PAPPA2: variants seen among roughly 807,000 people sequenced by gnomAD.
The protein encoded by PAPPA2 is pappalysin 2, also known as pappalysin-2.
Under a neutral mutation model 176.4 loss-of-function variants are expected in PAPPA2, and 86 were observed. That is an observed-to-expected ratio of 0.49 (90% CI 0.41 to 0.58). The LOEUF (loss-of-function observed/expected upper bound fraction) is 0.58, where lower values mean the gene tolerates loss of function less well. Ranked by LOEUF, PAPPA2 falls within the 20% of genes least tolerant of loss-of-function variation. The pLI is 0.00. For synonymous variants in PAPPA2, 809 were observed against 852.2 expected (o/e 0.95, Z 0.88); for missense variants, 2,073 against 2,256.9 (o/e 0.92, Z 1.65).
intron 4 of PAPPA2, among the ~76,000 whole-genome samples, chr1:176,685,814 T>G (rs1352024925): frequency 6.6e-6 from 1 of 152,252 alleles, no homozygotes; most frequent in Non-Finnish European, 1.5e-5. Flanking sequence ...TTCCTCTTAT[T>G]AAATTTTGGG....
intron 3 of PAPPA2, among the ~76,000 whole-genome samples, chr1:176,638,099 C>T (rs1290715356): frequency 2.0e-5 from 3 of 152,088 alleles, no homozygotes; most frequent in Non-Finnish European, 4.4e-5. Flanking sequence ...AAGTACAACA[C>T]ACAACATCAG....
chr1:176,471,841 G>T (rs753650154), intron 1 of PAPPA2, among the ~76,000 whole-genome samples: 2 of 152,138 alleles, frequency 1.3e-5, no homozygotes, highest in Non-Finnish European at 2.9e-5. Flanking sequence ...CTTGTAGGCC[G>T]GATGTTGCTG....
chr1:176,609,775 A>G (rs966303670), intron 3 of PAPPA2, among the ~76,000 whole-genome samples: 16 of 152,188 alleles, frequency 1.1e-4, no homozygotes, highest in East Asian at 1.9e-4. Flanking sequence ...AGAAGTGGCT[A>G]ACTGCCCTGA....
At chr1:176,759,709 A>G (rs1663602680) in intron 14 of PAPPA2, among the ~76,000 whole-genome samples, 1 of 152,152 alleles carries the variant, frequency 6.6e-6, no homozygotes, top group Non-Finnish European at 1.5e-5. Context: ...ATAGCCTCAA[A>G]AAGTGGACAA....
intron 1 of PAPPA2, among the ~76,000 whole-genome samples, chr1:176,492,730 A>C (rs978630700): frequency 3.3e-5 from 5 of 152,148 alleles, no homozygotes; most frequent in Admixed American, 2.0e-4. Context: ...TCATAAAGTA[A>C]TCATAAAGTA....
chr1:176,480,284 G>T (rs993581506), intron 1 of PAPPA2, among the ~76,000 whole-genome samples: 1 of 152,208 alleles, frequency 6.6e-6, no homozygotes, highest in African/African-American at 2.4e-5. Flanking sequence ...GCACCCGAAA[G>T]GGCAGCGCTG....
At chr1:176,683,256 T>C (rs1026788472) in intron 4 of PAPPA2, among the ~76,000 whole-genome samples, 3 of 152,004 alleles carry the variant, frequency 2.0e-5, no homozygotes, top group Admixed American at 6.6e-5. Context: ...CACACAACAA[T>C]TCTCTTATTG....
chr1:176,497,171 C>T (rs1647678119), intron 1 of PAPPA2, among the ~76,000 whole-genome samples: 3 of 152,182 alleles, frequency 2.0e-5, no homozygotes, highest in Admixed American at 1.3e-4. Flanking sequence ...ATAAAGTCTT[C>T]ACGTGTTATC....
chr1:176,610,344 TGGGGG>T (rs35317617), intron 3 of PAPPA2, among the ~76,000 whole-genome samples: 1 of 140,480 alleles, frequency 7.1e-6, no homozygotes, highest in Admixed American at 7.4e-5. Flanking sequence ...AAGTTGTGTG[TGGGGG>T]GGGGGAGTAG....
At chr1:176,508,596 A>T (rs1237170568) in intron 1 of PAPPA2, among the ~76,000 whole-genome samples, 1 of 150,440 alleles carries the variant, frequency 6.6e-6, no homozygotes, top group Non-Finnish European at 1.5e-5. Flanking sequence ...TAAAAAAAAA[A>T]ATAATGAATA....
At position 176,671,749 on chromosome 1, in the gene PAPPA2, A is replaced by C. The variant is rs533523619; in HGVS notation, c.2137+634A>C. Reference sequence around the variant, plus strand: ...TGCAGCCATAAAAAATGATGAGTTCATGTCCTTTGTAGGGACATGGATGAA... The same window carrying C: ...TGCAGCCATAAAAAATGATGAGTTCCTGTCCTTTGTAGGGACATGGATGAA... On this transcript the variant is annotated intron_variant, in intron 4 of 22. Coordinates refer to ENST00000367662, the MANE Select transcript of PAPPA2 (RefSeq NM_020318.3). 3.9e-5 allele frequency among the ~76,000 whole-genome samples: 6 copies of C among 152,206 alleles called. No individual in the cohort carries two copies. In the South Asian group the frequency reaches 1.2e-3, roughly 32 times the overall value.
At chr1:176,743,617 A>T (rs1662781115) in intron 14 of PAPPA2, among the ~76,000 whole-genome samples, 2 of 152,140 alleles carry the variant, frequency 1.3e-5, no homozygotes, top group Non-Finnish European at 2.9e-5. Context: ...TATCTATTTT[A>T]TTAATGTAAT....
intron 21 of PAPPA2, among the ~76,000 whole-genome samples, chr1:176,816,613 T>C (rs1666416838): frequency 6.6e-6 from 1 of 152,014 alleles, no homozygotes; most frequent in South Asian, 2.1e-4. Context: ...TTTTTTTTTA[T>C]GAGTTCATGC....
chr1:176,739,829 TG>T, intron 13 of PAPPA2, 68 bp downstream of exon 13: 1 of 1,589,284 alleles, frequency 6.3e-7, no homozygotes, highest in East Asian at 2.2e-5. Context: ...GTCAGCTTGA[TG>T]TCTGTCTTTT....
At chr1:176,554,042 G>T (rs1048192587) in intron 1 of PAPPA2, among the ~76,000 whole-genome samples, 3 of 152,192 alleles carry the variant, frequency 2.0e-5, no homozygotes, top group Admixed American at 1.3e-4. Flanking sequence ...GGATTGAGGG[G>T]TATCTGCTTA....
chr1:176,836,572 G>A (rs566597412), intron 21 of PAPPA2: 4 of 152,276 alleles, frequency 2.6e-5, no homozygotes, highest in South Asian at 4.1e-4. Flanking sequence ...AACTACTCCC[G>A]AGCCTGGGCT....
chr1:176,540,012 G>T (rs1481894500), intron 1 of PAPPA2, among the ~76,000 whole-genome samples: 4 of 152,186 alleles, frequency 2.6e-5, no homozygotes, highest in Admixed American at 1.3e-4. Context: ...ATCTTAGTCT[G>T]CTGGGAAGGA....
chr1:176,480,584 C>A (rs901842557), intron 1 of PAPPA2, among the ~76,000 whole-genome samples: 1 of 152,102 alleles, frequency 6.6e-6, no homozygotes, highest in Non-Finnish European at 1.5e-5. Flanking sequence ...AGGCAGGGGA[C>A]ATCATGAGCA....
intron 4 of PAPPA2, among the ~76,000 whole-genome samples, chr1:176,685,358 T>C (rs1310258022): frequency 2.0e-5 from 3 of 152,126 alleles, no homozygotes; most frequent in Non-Finnish European, 1.5e-5. Context: ...TGTTTCCCCA[T>C]ATCAGGATCA....
Sources: allele counts gnomAD v4.1 joint callset (sites outside exome capture counted in the v4.1 genomes callset), GRCh38; gene constraint gnomAD v4.1.1; transcripts MANE v1.5; gene names NCBI Gene and HGNC (gene_info 2026-07-23, HGNC 2026-07-21).